Variants in TMEM177 observed in about 807,000 individuals in gnomAD.
TMEM177 encodes transmembrane protein 177.
A neutral mutation model predicts 14.2 loss-of-function variants in TMEM177; 4 were observed. The ratio of observed to expected loss-of-function variants is 0.28; its 90% CI spans 0.14 to 0.64. The LOEUF (loss-of-function observed/expected upper bound fraction) is 0.64. Among genes scored for constraint, TMEM177 ranks in the 30% least tolerant of loss-of-function variants. TMEM177 has a pLI of 0.82. For synonymous variants in TMEM177, 179 were observed against 174.5 expected, an observed-to-expected ratio of 1.03 and a Z score of -0.20; for missense variants, 344 against 405.2, an observed-to-expected ratio of 0.85 and a Z score of 1.30.
At chr2:119,682,512 A>C (rs930303409), downstream of TMEM177, among the ~76,000 whole-genome samples, 1 of 152,102 alleles carries the variant, frequency 6.6e-6, no homozygotes, top group Non-Finnish European at 1.5e-5. Flanking sequence ...AGGGGGCCTT[A>C]AGAGTGTTGT....
In TMEM177 at chr2:119,681,145, C is replaced by A; in HGVS notation, c.292C>A (p.Leu98Ile). 6.2e-7 allele frequency: 1 copy of A among 1,614,258 alleles called. No individual in the cohort carries two copies. The highest frequency in any genetic ancestry group is 1.1e-5 in the South Asian group (1 of 91,088). The change falls in exon 2 of 2, where the codon CTC (leucine) becomes ATC (isoleucine). Residue 98 changes from leucine (L) to isoleucine (I), a missense_variant. Leu to Ile is a conservative substitution (Grantham distance 5). Transcript: ENST00000272521. ...FQPVSAGFPR[L>I]PAGAVVGIPA... Reference sequence around the variant, plus strand: ...ACCTGTGAGTGCAGGCTTCCCAAGACTCCCTGCTGGGGCTGTGGTGGGCAT... The same window carrying A: ...ACCTGTGAGTGCAGGCTTCCCAAGAATCCCTGCTGGGGCTGTGGTGGGCAT...
the TMEM177 span, among the ~76,000 whole-genome samples, chr2:119,704,682 A>G: frequency 6.6e-6 from 1 of 152,228 alleles, no homozygotes; most frequent in Non-Finnish European, 1.5e-5. Context: ...GTGCAAACAT[A>G]AGAAAATAAA....
At chr2:119,708,969 C>G in the TMEM177 span, among the ~76,000 whole-genome samples, 64 of 152,316 alleles carry the variant, frequency 4.2e-4, 1 homozygote, top group East Asian at 0.012. Flanking sequence ...TAAAGGTTAC[C>G]TATTCTGAGA....
At chr2:119,700,847 C>A in the TMEM177 span, among the ~76,000 whole-genome samples, 1 of 152,238 alleles carries the variant, frequency 6.6e-6, no homozygotes, top group Non-Finnish European at 1.5e-5. Context: ...CGGCCTCTTT[C>A]ATGAATAGGT....
At chr2:119,697,039 A>G in the TMEM177 span, among the ~76,000 whole-genome samples, 1 of 152,236 alleles carries the variant, frequency 6.6e-6, no homozygotes, top group Admixed American at 6.5e-5. Flanking sequence ...GGCCAGACAC[A>G]GACCTGGCTG....
rs1558687881 is a variant in TMEM177, at chr2:119,681,065, A to ACATAGGTGTTCCTTCAGGC, written c.216_234dup (p.Cys79ArgfsTer47). On this transcript the variant is annotated frameshift_variant, in exon 2 of 2. Transcript: ENST00000272521. LOFTEE classifies it high-confidence loss of function. ...AGCCTCTTCCAAGAGGTGCTACAGG[A>ACATAGGTGTTCCTTCAGGC]CATAGGTGTTCCTTCAGGCCATTGC... The ACATAGGTGTTCCTTCAGGC allele has an allele frequency of 6.2e-7, 1 of 1,614,232 alleles. No individual in the cohort carries two copies. Among genetic ancestry groups the ACATAGGTGTTCCTTCAGGC allele is most frequent in the Non-Finnish European group, 8.5e-7 (1 of 1,180,042 alleles).
downstream of TMEM177, among the ~76,000 whole-genome samples, chr2:119,687,503 A>T (rs1326242347): frequency 6.6e-6 from 1 of 152,194 alleles, no homozygotes; most frequent in Non-Finnish European, 1.5e-5. Flanking sequence ...AGGAGAGAGA[A>T]TGAGTGTCAG....
At chr2:119,680,730 G>C in intron 1 of TMEM177, 102 bp from the exon 2 acceptor site, 1 of 850,016 alleles carries the variant, frequency 1.2e-6, no homozygotes, top group Non-Finnish European at 1.8e-6. Context: ...TCACCACTAT[G>C]CTGTGTTACT....
the TMEM177 span, chr2:119,699,853 T>A: frequency 7.3e-6 from 3 of 413,510 alleles, no homozygotes; most frequent in Admixed American, 2.5e-5. Flanking sequence ...AGGTCAGTGG[T>A]CCAAAAAGAG....
At chr2:119,696,521 C>A in the TMEM177 span, among the ~76,000 whole-genome samples, 86 of 152,268 alleles carry the variant, frequency 5.6e-4, 1 homozygote, top group Middle Eastern at 3.4e-3. Context: ...GATAAAAATG[C>A]CTGCTCTTAT....
the TMEM177 span, among the ~76,000 whole-genome samples, chr2:119,696,129 G>T: frequency 9.9e-5 from 15 of 152,220 alleles, no homozygotes; most frequent in Non-Finnish European, 1.5e-4. Flanking sequence ...CCTGGCCCAG[G>T]AGGCATGCAG....
the TMEM177 span, among the ~76,000 whole-genome samples, chr2:119,694,067 CACACACA>C: frequency 4.3e-4 from 7 of 16,274 alleles, no homozygotes; most frequent in Non-Finnish European, 1.6e-3. Context: ...ATGCAACATA[CACACACA>C]ACATACACAC....
the TMEM177 span, among the ~76,000 whole-genome samples, chr2:119,701,039 G>A: frequency 6.6e-6 from 1 of 152,222 alleles, no homozygotes; most frequent in Admixed American, 6.5e-5. Flanking sequence ...GCCAAGGACA[G>A]AGCTGGAGGC....
At chr2:119,716,365 C>G in the TMEM177 span, among the ~76,000 whole-genome samples, 1 of 152,216 alleles carries the variant, frequency 6.6e-6, no homozygotes, top group Non-Finnish European at 1.5e-5. Context: ...TCTCCAGCCT[C>G]TGCAGTGAAA....
chr2:119,690,939 C>T (rs1558692158), downstream of TMEM177, among the ~76,000 whole-genome samples: 1 of 152,268 alleles, frequency 6.6e-6, no homozygotes, highest in Non-Finnish European at 1.5e-5. Context: ...ACAGCAGGGA[C>T]ACCCTCACTT....
the TMEM177 span, chr2:119,700,028 TCC>T: frequency 7.3e-6 from 2 of 274,258 alleles, no homozygotes; most frequent in Non-Finnish European, 7.0e-6. Flanking sequence ...ACATGAGCTC[TCC>T]CTGCCACATC....
At chr2:119,699,489 CAG>C in the TMEM177 span, among the ~76,000 whole-genome samples, 1 of 152,110 alleles carries the variant, frequency 6.6e-6, no homozygotes, top group Non-Finnish European at 1.5e-5. Flanking sequence ...GTGAGTAAGA[CAG>C]GGTTCCATTG....
chr2:119,708,650 C>CAT, the TMEM177 span, among the ~76,000 whole-genome samples: 3 of 150,056 alleles, frequency 2.0e-5, no homozygotes, highest in Non-Finnish European at 3.0e-5. Context: ...CGCAGACACA[C>CAT]ACACACACAC....
chr2:119,722,192 C>T, the TMEM177 span, among the ~76,000 whole-genome samples: 13 of 152,052 alleles, frequency 8.5e-5, no homozygotes, highest in South Asian at 8.3e-4. Context: ...CCAGCCTGGG[C>T]GACATAGCAA....
Sources: gnomAD v4.1 joint callset for allele counts (sites outside exome capture counted in the v4.1 genomes callset) on GRCh38, gnomAD v4.1.1 for gene constraint, MANE v1.5 for transcripts, NCBI Gene and HGNC (gene_info 2026-07-23, HGNC 2026-07-21) for gene names.